The following PDCD11 variants were observed in gnomAD, a reference collection of about 807,000 sequenced individuals.
PDCD11 encodes programmed cell death 11, also known as protein RRP5 homolog.
PDCD11 carries 97 observed loss-of-function variants against 198.9 expected under a neutral mutation model. The ratio of observed to expected loss-of-function variants is 0.49; its 90% CI spans 0.41 to 0.58. The LOEUF is 0.58. Among genes scored for constraint, PDCD11 ranks in the 20% least tolerant of loss-of-function variants. The pLI is 0.00. For synonymous variants in PDCD11, 893 were observed against 918.0 expected (o/e 0.97, Z 0.49); for missense variants, 2,102 against 2,312.7 (o/e 0.91, Z 1.87).
intron 26 of PDCD11, 147 bp from the exon 27 acceptor site, chr10:103,438,539 G>A: frequency 9.5e-7 from 1 of 1,052,520 alleles, no homozygotes; most frequent in Non-Finnish European, 1.4e-6. Flanking sequence ...TGTTAGGAGA[G>A]AGTAGAGTTG....
At position 103,434,327 on chromosome 10, in the gene PDCD11, C is replaced by T. The variant is rs2032058933; in HGVS notation, c.3644C>T (p.Thr1215Ile). ...ATVVGPDSSK[T>I]LLCLSLTGPH... is the part of the protein sequence containing the mutation. ...GTTGTTGGCCCAGATTCCTCCAAGA[C>T]CCTCTTATGTCTGTCCCTCACAGGT... Residue 1215 changes from threonine (T) to isoleucine (I), a missense_variant, in exon 24 of 36, where the codon ACC becomes ATC. Transcript: ENST00000369797. 1.2e-6 allele frequency: 2 copies of T among 1,611,544 alleles called. No individual in the cohort carries two copies. Among genetic ancestry groups the T allele is most frequent in the Middle Eastern group, 1.7e-4 (1 of 6,054 alleles).
chr10:103,422,862 T>G (rs2031515552), intron 17 of PDCD11, 126 bp from the exon 18 acceptor site: 6 of 894,362 alleles, frequency 6.7e-6, no homozygotes, highest in Non-Finnish European at 7.7e-6. Context: ...TTGCAAAAAG[T>G]GATTTTACCT....
chr10:103,400,605 CCTT>C (rs2029972760), intron 3 of PDCD11, 77 bp downstream of exon 3: 6 of 1,432,504 alleles, frequency 4.2e-6, no homozygotes, highest in Non-Finnish European at 9.6e-7. Context: ...TTTCTTCTTT[CCTT>C]CTTTTTTCCC....
In PDCD11 at chr10:103,445,781, C is replaced by T. The variant is rs761661147; in HGVS notation, c.*232C>T. 2.1e-6 allele frequency: 1 copy of T among 472,394 alleles called. No homozygotes were observed. The allele number at this position is 472,394 out of a possible 1,614,324, so 29.3% of individuals were successfully genotyped here. Reference sequence around the variant, plus strand: ...TTATCTTTTTCCTTATCTGAGGCTACCTGGGGATTGTGGGCAGCAGGCCCC... The same window carrying T: ...TTATCTTTTTCCTTATCTGAGGCTATCTGGGGATTGTGGGCAGCAGGCCCC... On this transcript the variant is annotated 3_prime_UTR_variant, in exon 36 of 36. Coordinates refer to ENST00000369797, the MANE Select transcript of PDCD11 (RefSeq NM_014976.2).
intron 6 of PDCD11, 124 bp from the exon 7 acceptor site, chr10:103,406,484 TG>T: frequency 2.6e-6 from 2 of 772,230 alleles, no homozygotes; most frequent in Non-Finnish European, 4.1e-6. Flanking sequence ...ATTGGGAATT[TG>T]GGGAGTAACT....
chr10:103,411,482 C>T (rs1310471344), intron 8 of PDCD11, among the ~76,000 whole-genome samples: 1 of 152,158 alleles, frequency 6.6e-6, no homozygotes, highest in Non-Finnish European at 1.5e-5. Context: ...CCTTCCACCT[C>T]AGCCTCCTGA....
In PDCD11 at chr10:103,417,918, A is replaced by G. The variant is rs775902990; in HGVS notation, c.1897A>G (p.Ile633Val). 11 of 1,614,166 alleles carry G rather than the reference A, an allele frequency of 6.8e-6. No individual in the cohort carries two copies. The highest frequency in any genetic ancestry group is 1.1e-5 in the South Asian group (1 of 91,086). The change falls in exon 14 of 36, where the codon ATT (isoleucine) becomes GTT (valine). Residue 633 changes from isoleucine (I) to valine (V), a missense_variant. Coordinates refer to ENST00000369797, the MANE Select transcript of PDCD11 (RefSeq NM_014976.2). Reference sequence around the variant, plus strand: ...ACACAGTCAGAAGAAAGGAAAAGCCATTAACATTGGGCAGGTACGTGGACT... The same window carrying G: ...ACACAGTCAGAAGAAAGGAAAAGCCGTTAACATTGGGCAGGTACGTGGACT... The part of the protein sequence containing the change: ...AGHSQKKGKA[I>V]NIGQLVDVKV...
Position 103,405,179 on chromosome 10 carries a change from G to A in PDCD11, c.560G>A (p.Gly187Asp). 1 of 1,613,156 alleles carries A rather than the reference G, an allele frequency of 6.2e-7. No individual in the cohort carries two copies. The highest frequency in any genetic ancestry group is 8.5e-7 in the Non-Finnish European group (1 of 1,179,790). Residue 187 changes from glycine to aspartate, a missense_variant, in exon 5 of 36, where the codon GGC becomes GAC. Transcript: ENST00000369797. ...CTGAGTGCTGAGGCCCTGAAGCCTG[G>A]CATGGTAGGTGTCTAGGGTCGGGGA... ...RVLSAEALKPGMLLTGTVSSL... is the reference protein window; with the variant it reads ...RVLSAEALKPDMLLTGTVSSL...
rs761022665 is a variant in PDCD11 at position 103,440,549 on chromosome 10, G to T, written c.4408G>T (p.Gly1470Trp). ...GAAGCCACAGGCGCAGAAGCGGGGCGGGCGGGAGTGCCGGGAGTCTGGGAG... is the reference window on the plus strand; with the variant it reads ...GAAGCCACAGGCGCAGAAGCGGGGCTGGCGGGAGTGCCGGGAGTCTGGGAG... Reference protein sequence around the residue: ...PQKPQAQKRGGRECRESGSEQ... With the variant: ...PQKPQAQKRGWRECRESGSEQ... The change falls in exon 29 of 36, where the codon GGG becomes TGG. Residue 1470 changes from glycine (G) to tryptophan (W), a missense_variant. By Grantham distance (184) the Gly-to-Trp change is radical (BLOSUM62 -2). Coordinates refer to ENST00000369797, the MANE Select transcript of PDCD11 (RefSeq NM_014976.2). The T allele has an allele frequency of 9.3e-6, 15 of 1,612,152 alleles. No homozygotes were observed. Among genetic ancestry groups the T allele is most frequent in the Admixed American group, 5.0e-5 (3 of 59,954 alleles).
intron 19 of PDCD11, among the ~76,000 whole-genome samples, chr10:103,424,216 C>T (rs1341586831): frequency 1.3e-5 from 2 of 152,142 alleles, no homozygotes; most frequent in African/African-American, 2.4e-5. Flanking sequence ...GTCTTCTGGA[C>T]ACTTTTGTGT....
Position 103,418,651 on chromosome 10 carries a change from T to A in PDCD11, c.2106+17T>A. ...GGGCGTGTTGTATCCTTGACTGGTATCTGTGGAGCAGAGGAAGGTGGGGGG... is the reference window on the plus strand; with the variant it reads ...GGGCGTGTTGTATCCTTGACTGGTAACTGTGGAGCAGAGGAAGGTGGGGGG... On this transcript the variant is annotated intron_variant, in intron 15 of 35. Coordinates refer to ENST00000369797, the MANE Select transcript of PDCD11 (RefSeq NM_014976.2). 1 of 1,607,072 alleles carries A rather than the reference T, an allele frequency of 6.2e-7. No individual in the cohort carries two copies. Among genetic ancestry groups the A allele is most frequent in the Non-Finnish European group, 8.5e-7 (1 of 1,174,872 alleles).
In PDCD11 at chr10:103,445,987, C is replaced by T. The variant is rs961827435; in HGVS notation, c.*438C>T. The T allele has an allele frequency of 1.2e-5, 2 of 166,926 alleles. No homozygotes were observed. Among genetic ancestry groups the T allele is most frequent in the African/African-American group, 4.8e-5 (2 of 41,916 alleles). 10.3% of individuals were successfully genotyped at this position (166,926 alleles called of 1,614,324 possible). A position where few individuals can be genotyped will look rare whatever the true frequency, so the allele number is the denominator to read the frequency against. ...GGGCCCTCCCCTCCGATCTTGGAGTCTCTGGGTGTTCCTTCAGCCTCAGCC... is the reference window on the plus strand; with the variant it reads ...GGGCCCTCCCCTCCGATCTTGGAGTTTCTGGGTGTTCCTTCAGCCTCAGCC... On this transcript the variant is annotated 3_prime_UTR_variant, in exon 36 of 36. Transcript: ENST00000369797.
At position 103,425,319 on chromosome 10, in the gene PDCD11, C is replaced by T. The variant is rs897125691; in HGVS notation, c.3099C>T (p.Leu1033=). 1.2e-6 allele frequency: 2 copies of T among 1,614,164 alleles called. No homozygotes were observed. Among genetic ancestry groups the T allele is most frequent in the African/African-American group, 1.3e-5 (1 of 75,030 alleles). The change falls in exon 20 of 36, where the codon CTC becomes CTT. Residue 1033 remains leucine (L), a synonymous_variant. Transcript: ENST00000369797. ...TAGGGACCATAAAGAAGCACACCCT[C>T]TCCATCGGGGACATGGTCACAGGGA... ...LTVGTIKKHT[L]SIGDMVTGTV...
intron 35 of PDCD11, among the ~76,000 whole-genome samples, chr10:103,444,940 ACT>A (rs1222653575): frequency 2.0e-5 from 3 of 151,990 alleles, no homozygotes; most frequent in African/African-American, 7.3e-5. Flanking sequence ...ACTGTTCCTG[ACT>A]CTCATTGTAG....
intron 4 of PDCD11, among the ~76,000 whole-genome samples, chr10:103,404,419 C>A (rs2030314020): frequency 6.6e-6 from 1 of 152,108 alleles, no homozygotes; most frequent in Non-Finnish European, 1.5e-5. Flanking sequence ...CTGCCTCAGC[C>A]TCCTGAGTAG....
At chr10:103,429,405 T>G (rs1020586017) in intron 21 of PDCD11, among the ~76,000 whole-genome samples, 1 of 152,040 alleles carries the variant, frequency 6.6e-6, no homozygotes, top group African/African-American at 2.4e-5. Flanking sequence ...GTTTATGTGG[T>G]GGGTTTGGTT....
intron 13 of PDCD11, among the ~76,000 whole-genome samples, chr10:103,416,963 A>G (rs775066070): frequency 2.6e-5 from 4 of 152,238 alleles, no homozygotes; most frequent in Non-Finnish European, 4.4e-5. Flanking sequence ...TCAGGCACGC[A>G]TGGAAGAGGT....
intron 21 of PDCD11, among the ~76,000 whole-genome samples, chr10:103,429,194 C>T (rs907839508): frequency 6.6e-6 from 1 of 152,122 alleles, no homozygotes; most frequent in African/African-American, 2.4e-5. Flanking sequence ...ATCTTACCTG[C>T]TTACTCCTCT....
At chr10:103,431,768 G>C (rs2031945253) in intron 21 of PDCD11, among the ~76,000 whole-genome samples, 1 of 152,162 alleles carries the variant, frequency 6.6e-6, no homozygotes, top group Non-Finnish European at 1.5e-5. Flanking sequence ...CTCCCCTGCT[G>C]AACTCACACA....
Sources: gnomAD v4.1 joint callset for allele counts (sites outside exome capture counted in the v4.1 genomes callset) on GRCh38, gnomAD v4.1.1 for gene constraint, MANE v1.5 for transcripts, NCBI Gene and HGNC (gene_info 2026-07-23, HGNC 2026-07-21) for gene names.